The following DSC2 variants were observed in gnomAD, a reference collection of about 807,000 sequenced individuals.
DSC2 encodes the protein desmocollin-2.
A neutral mutation model predicts 87.6 loss-of-function variants in DSC2; 51 were observed. The ratio of observed to expected loss-of-function variants is 0.58; its 90% CI spans 0.46 to 0.74. The LOEUF (loss-of-function observed/expected upper bound fraction) is 0.74. DSC2 is among the 30% of genes least tolerant of loss of function. DSC2 has a pLI of 0.00. For missense variants in DSC2, 1,066 were observed against 1,089.5 expected (o/e 0.98, Z 0.30); for synonymous variants, 383 against 393.2 (o/e 0.97, Z 0.31).
In DSC2 at chr18:31,069,714, C is replaced by CA. The variant is rs199681007; in HGVS notation, c.2251-564dup. Among the ~76,000 whole-genome samples, 538 of 85,114 alleles carry CA rather than the reference C, an allele frequency of 6.3e-3. 1 individual carries two copies. Among genetic ancestry groups the CA allele is most frequent in the East Asian group, 9.2e-3 (23 of 2,488 alleles). 55.8% of individuals were successfully genotyped at this position (85,114 alleles called of 152,430 possible). A position where few individuals can be genotyped will look rare whatever the true frequency, so the allele number is the denominator to read the frequency against. On this transcript the variant is annotated intron_variant, in intron 14 of 15. Coordinates refer to ENST00000280904, the MANE Select transcript of DSC2 (RefSeq NM_024422.6). ...TTGGCAACAGAGCCAGATCTTGTCT[C>CA]AAAAAAAAAAAAAAAAAGCCTCTTA...
chr18:31,093,345 A>G (rs1372047155), intron 2 of DSC2, among the ~76,000 whole-genome samples: 1 of 152,146 alleles, frequency 6.6e-6, no homozygotes, highest in African/African-American at 2.4e-5. Context: ...CTGTGCCTAC[A>G]TGTTCACATT....
intron 7 of DSC2, among the ~76,000 whole-genome samples, chr18:31,085,190 A>C (rs1362713416): frequency 6.6e-6 from 1 of 152,028 alleles, no homozygotes; most frequent in Non-Finnish European, 1.5e-5. Context: ...TCTCTTTTCT[A>C]ATTTTATATC....
In DSC2 at chr18:31,094,042, T is replaced by C. The variant is rs181228448; in HGVS notation, c.70-399A>G. Among the ~76,000 whole-genome samples the C allele has an allele frequency of 5.5e-3, 836 of 152,214 alleles. 6 individuals carry two copies. Among genetic ancestry groups the C allele is most frequent in the African/African-American group, 0.019 (769 of 41,548 alleles). ...GAGTTATGTATGCTCTTCAGCTTTG[T>C]TTACTATATTGTAAAACGTATGTAA... is the stretch of plus-strand genomic sequence containing the variant. On this transcript the variant is annotated intron_variant, in intron 1 of 15. Coordinates refer to ENST00000280904, the MANE Select transcript of DSC2 (RefSeq NM_024422.6).
rs528974588 is a variant in DSC2 at position 31,073,545 on chromosome 18, T to A, written c.1888+1138A>T. On this transcript the variant is annotated intron_variant, in intron 12 of 15. Coordinates refer to ENST00000280904, the MANE Select transcript of DSC2 (RefSeq NM_024422.6). ...CCTGTTCTCCCTTTACGTTCCCTCA[T>A]AACCTTTCTTTTCTAATTTGTCATA... Among the ~76,000 whole-genome samples the A allele has an allele frequency of 2.6e-5, 4 of 152,296 alleles. No homozygotes were observed. The South Asian group carries it at 8.3e-4, about 32-fold the overall frequency.
intron 1 of DSC2, among the ~76,000 whole-genome samples, chr18:31,094,625 T>C (rs1006708596): frequency 6.6e-6 from 1 of 152,218 alleles, no homozygotes; most frequent in Non-Finnish European, 1.5e-5. Flanking sequence ...ATTTACACTG[T>C]TACTTACAAA....
At chr18:31,084,345 A>G (rs951288803) in intron 7 of DSC2, among the ~76,000 whole-genome samples, 1 of 152,186 alleles carries the variant, frequency 6.6e-6, no homozygotes, top group African/African-American at 2.4e-5. Context: ...GAAGGAATAC[A>G]TATTTTGTTT....
At position 31,093,599 on chromosome 18, in the gene DSC2, A is replaced by T. The variant is rs1987672342; in HGVS notation, c.114T>A (p.His38Gln). Residue 38 changes from histidine (H) to glutamine (Q), a missense_variant, in exon 2 of 16, where the codon CAT (histidine) becomes CAA (glutamine). Coordinates refer to ENST00000280904, the MANE Select transcript of DSC2 (RefSeq NM_024422.6). ...ASDACKNVTL[H>Q]VPSKLDAEKL... ...TCTCGGCATCTAGTTTGGAGGGAAC[A>T]TGTAATGTCACATTTTTGCAGGCAT... is the stretch of plus-strand genomic sequence containing the variant. The T allele has an allele frequency of 6.2e-7, 1 of 1,604,716 alleles. No homozygotes were observed.
chr18:31,073,372 C>G (rs576530335), intron 12 of DSC2, among the ~76,000 whole-genome samples: 3 of 50,686 alleles, frequency 5.9e-5, no homozygotes, highest in South Asian at 1.1e-3. Flanking sequence ...TACACACACA[C>G]GCACACACAC....
At chr18:31,095,875 A>G (rs1260050538) in intron 1 of DSC2, among the ~76,000 whole-genome samples, 1 of 151,980 alleles carries the variant, frequency 6.6e-6, no homozygotes, top group Non-Finnish European at 1.5e-5. Flanking sequence ...ACAGGCTAAG[A>G]GGAGGCAGAG....
At chr18:31,092,078 T>C in intron 3 of DSC2, 23 bp downstream of exon 3, 1 of 1,592,302 alleles carries the variant, frequency 6.3e-7, no homozygotes, top group Non-Finnish European at 8.6e-7. Flanking sequence ...ATATCATTTC[T>C]TCATTTATGT....
Position 31,067,097 on chromosome 18 carries a change from T to A in DSC2, c.*918A>T, listed in dbSNP as rs1436902623. 6.6e-6 allele frequency: 1 copy of A among 151,854 alleles called. No individual in the cohort carries two copies. 9.4% of individuals were successfully genotyped at this position (151,854 alleles called of 1,614,324 possible). ...GATAATGAAGCAATCACCAAGATAT[T>A]TGAAACAACAAAGTTAACATTACAA... is the stretch of plus-strand genomic sequence containing the variant. On this transcript the variant is annotated 3_prime_UTR_variant, in exon 16 of 16. Transcript: ENST00000280904.
intron 1 of DSC2, 80 bp downstream of exon 1, chr18:31,101,823 C>T: frequency 7.0e-7 from 1 of 1,434,676 alleles, no homozygotes; most frequent in African/African-American, 1.5e-5. Context: ...CCACCCCCAC[C>T]TATCCCCGTT....
chr18:31,060,366 A>C lies in DSC2; in HGVS notation c.*7649T>G, dbSNP rs750217374. Reference sequence around the variant, plus strand: ...CCTCTCATTCCCTATTGGTTAACTCATGTCCTTGGTGCCTGGGAGTTTTCC... The same window carrying C: ...CCTCTCATTCCCTATTGGTTAACTCCTGTCCTTGGTGCCTGGGAGTTTTCC... On this transcript the variant is annotated 3_prime_UTR_variant, in exon 16 of 16. Coordinates refer to ENST00000280904, the MANE Select transcript of DSC2 (RefSeq NM_024422.6). The C allele has an allele frequency of 1.3e-5, 2 of 152,018 alleles. No individual in the cohort carries two copies. The highest frequency in any genetic ancestry group is 2.4e-5 in the African/African-American group (1 of 41,374). The allele number at this position is 152,018 out of a possible 1,614,324, so 9.4% of individuals were successfully genotyped here.
chr18:31,096,526 G>A (rs1286840289), intron 1 of DSC2, among the ~76,000 whole-genome samples: 2 of 152,110 alleles, frequency 1.3e-5, no homozygotes, highest in Admixed American at 6.5e-5. Context: ...ACTGGCCCTG[G>A]CGTGGATCTG....
In DSC2 at chr18:31,102,032, G is replaced by T; in HGVS notation, c.-61C>A. On this transcript the variant is annotated 5_prime_UTR_variant, in exon 1 of 16. Transcript: ENST00000280904. The stretch of plus-strand genomic sequence containing the variant: ...GGGCCGGGGTAGGAGGGCTCCGCGG[G>T]GCGAGGGCCGCGGCCGGAGCGCAGT... The T allele has an allele frequency of 7.5e-7, 1 of 1,341,004 alleles. No homozygotes were observed. Among genetic ancestry groups the T allele is most frequent in the Non-Finnish European group, 9.6e-7 (1 of 1,038,212 alleles). The allele number at this position is 1,341,004 out of a possible 1,614,324, so 83.1% of individuals were successfully genotyped here. A position where few individuals can be genotyped will look rare whatever the true frequency, so the allele number is the denominator to read the frequency against.
intron 11 of DSC2, among the ~76,000 whole-genome samples, chr18:31,077,268 T>A (rs1987054487): frequency 6.6e-6 from 1 of 152,216 alleles, no homozygotes; most frequent in Non-Finnish European, 1.5e-5. Context: ...AGCAGAATAA[T>A]TTCTGTCCCT....
In DSC2 at chr18:31,080,075, C is replaced by T. The variant is rs765159780; in HGVS notation, c.1520+21G>A. The T allele has an allele frequency of 2.5e-6, 4 of 1,613,404 alleles. No homozygotes were observed. In the Admixed American group the frequency reaches 5.0e-5, roughly 20 times the overall value. ...ACAAAATAAGCTATATATTTTAAAA[C>T]TAAAATAGAATGGTAAGTACCTTAT... On this transcript the variant is annotated intron_variant, in intron 10 of 15. Coordinates refer to ENST00000280904, the MANE Select transcript of DSC2 (RefSeq NM_024422.6).
At chr18:31,100,885 A>G (rs1411972586) in intron 1 of DSC2, among the ~76,000 whole-genome samples, 3 of 151,946 alleles carry the variant, frequency 2.0e-5, no homozygotes, top group Non-Finnish European at 4.4e-5. Flanking sequence ...TTATATCCCC[A>G]ATTCCCCAGA....
chr18:31,070,775 T>G lies in DSC2; in HGVS notation c.2201A>C (p.Gln734Pro), dbSNP rs749589324. ...TGTGTTTGATACAATTAGGTTCTGCTGGGCTAAATCATCAGGAATTACTTT... is the reference window on the plus strand; with the variant it reads ...TGTGTTTGATACAATTAGGTTCTGCGGGGCTAAATCATCAGGAATTACTTT... The part of the protein sequence containing the change: ...QPKVIPDDLA[Q>P]QNLIVSNTEA... Residue 734 changes from glutamine to proline, a missense_variant, in exon 14 of 16, where the codon CAG (glutamine) becomes CCG (proline). Gln to Pro is a moderately conservative substitution (Grantham distance 76). Transcript: ENST00000280904. The G allele has an allele frequency of 6.2e-7, 1 of 1,613,994 alleles. No homozygotes were observed. The highest frequency in any genetic ancestry group is 8.5e-7 in the Non-Finnish European group (1 of 1,179,904).
Sources: allele counts gnomAD v4.1 joint callset (sites outside exome capture counted in the v4.1 genomes callset), GRCh38; gene constraint gnomAD v4.1.1; transcripts MANE v1.5; gene names NCBI Gene and HGNC (gene_info 2026-07-23, HGNC 2026-07-21).